The following SCHIP1 variants were observed in gnomAD, a reference collection of about 807,000 sequenced individuals.
The protein encoded by SCHIP1 is schwannomin interacting protein 1.
SCHIP1 carries 8 observed loss-of-function variants against 29.7 expected under a neutral mutation model. The observed-to-expected ratio is 0.27, with a 90% CI of 0.16 to 0.49. The LOEUF (loss-of-function observed/expected upper bound fraction) is 0.49, where lower values mean the gene tolerates loss of function less well. Among genes scored for constraint, SCHIP1 ranks in the 20% least tolerant of loss-of-function variants. The pLI is 0.99. For missense variants in SCHIP1, 193 were observed against 294.6 expected (o/e 0.66, Z 2.52); for synonymous variants, 76 against 94.9 (o/e 0.80, Z 1.16).
the SCHIP1 span, among the ~76,000 whole-genome samples, chr3:159,371,277 C>G: frequency 6.6e-6 from 1 of 152,140 alleles, no homozygotes; most frequent in South Asian, 2.1e-4. Context: ...AATTGGAATC[C>G]TAACCCTAGG....
the SCHIP1 span, among the ~76,000 whole-genome samples, chr3:159,325,009 T>C: frequency 6.6e-5 from 10 of 152,292 alleles, no homozygotes; most frequent in African/African-American, 2.4e-4. Context: ...TGAAGTTGTA[T>C]GTATTAGTGT....
chr3:159,685,201 C>T, the SCHIP1 span, among the ~76,000 whole-genome samples: 1 of 152,098 alleles, frequency 6.6e-6, no homozygotes, highest in South Asian at 2.1e-4. Context: ...GCATGACTTC[C>T]CCAAATAGAT....
chr3:159,626,176 CTATCTAGATAGA>C, the SCHIP1 span, among the ~76,000 whole-genome samples: 38 of 71,282 alleles, frequency 5.3e-4, no homozygotes, highest in South Asian at 8.4e-4. Flanking sequence ...ATATATCTAT[CTATCTAGATAGA>C]TAGATAGATA....
chr3:159,404,514 G>A, the SCHIP1 span, among the ~76,000 whole-genome samples: 1 of 152,184 alleles, frequency 6.6e-6, no homozygotes, highest in African/African-American at 2.4e-5. Flanking sequence ...TGTCACAGGT[G>A]TGGGGTGGTG....
the SCHIP1 span, among the ~76,000 whole-genome samples, chr3:159,776,512 G>A: frequency 6.6e-6 from 1 of 151,950 alleles, no homozygotes; most frequent in Non-Finnish European, 1.5e-5. Context: ...TTGAACACTC[G>A]AATTGTATAA....
chr3:159,304,283 T>C, the SCHIP1 span, among the ~76,000 whole-genome samples: 1 of 152,186 alleles, frequency 6.6e-6, no homozygotes, highest in Non-Finnish European at 1.5e-5. Context: ...AAAGACCAGT[T>C]AATACATTAT....
chr3:159,828,431 GTATATATACGTA>G, the SCHIP1 span, among the ~76,000 whole-genome samples: 554 of 52,838 alleles, frequency 0.01, 13 homozygotes, highest in East Asian at 0.12. Flanking sequence ...ATATATATAC[GTATATATACGTA>G]TATATATACG....
chr3:159,556,596 G>T, the SCHIP1 span, among the ~76,000 whole-genome samples: 9 of 151,838 alleles, frequency 5.9e-5, no homozygotes, highest in Admixed American at 1.3e-4. Context: ...CCATAAAAAA[G>T]GATGAGTTCA....
At chr3:159,727,907 CA>C in the SCHIP1 span, among the ~76,000 whole-genome samples, 4 of 150,782 alleles carry the variant, frequency 2.7e-5, no homozygotes, top group Non-Finnish European at 5.9e-5. Flanking sequence ...TTTCAGGCTC[CA>C]AAAAACTTTT....
At chr3:159,494,330 A>T in the SCHIP1 span, among the ~76,000 whole-genome samples, 2 of 152,218 alleles carry the variant, frequency 1.3e-5, no homozygotes, top group African/African-American at 4.8e-5. Context: ...TTTTTTGAAA[A>T]GATCAACAAA....
the SCHIP1 span, among the ~76,000 whole-genome samples, chr3:159,694,665 C>T: frequency 6.6e-6 from 1 of 151,934 alleles, no homozygotes; most frequent in Non-Finnish European, 1.5e-5. Flanking sequence ...TGGAATAATC[C>T]AAATCCCCTA....
chr3:159,790,428 C>T, the SCHIP1 span, among the ~76,000 whole-genome samples: 22 of 152,190 alleles, frequency 1.4e-4, 1 homozygote, highest in Admixed American at 3.3e-4. Flanking sequence ...CAGTGGCTCA[C>T]GCCTGTAATC....
At chr3:159,567,876 G>C in the SCHIP1 span, among the ~76,000 whole-genome samples, 6 of 152,144 alleles carry the variant, frequency 3.9e-5, no homozygotes, top group South Asian at 8.3e-4. Flanking sequence ...TATTGAAATT[G>C]CATTGAATTT....
At chr3:159,627,305 A>G in the SCHIP1 span, among the ~76,000 whole-genome samples, 5 of 152,186 alleles carry the variant, frequency 3.3e-5, no homozygotes, top group Non-Finnish European at 5.9e-5. Flanking sequence ...ATTTATTTAA[A>G]TATTTTATTT....
intron 2 of SCHIP1, among the ~76,000 whole-genome samples, chr3:159,874,702 ATTG>A (rs1158052754): frequency 6.6e-5 from 10 of 152,198 alleles, no homozygotes; most frequent in South Asian, 4.1e-4. Flanking sequence ...AACAGTAATA[ATTG>A]TTGTATGATT....
chr3:159,315,422 G>C, the SCHIP1 span, among the ~76,000 whole-genome samples: 33 of 145,792 alleles, frequency 2.3e-4, no homozygotes, highest in African/African-American at 8.1e-4. Context: ...TAGAGACAGG[G>C]TTTCACTGTG....
At chr3:159,577,296 T>A in the SCHIP1 span, among the ~76,000 whole-genome samples, 2 of 152,080 alleles carry the variant, frequency 1.3e-5, no homozygotes. Context: ...GAAGTGTGGG[T>A]CTCATGGAAT....
chr3:159,492,881 C>T, the SCHIP1 span, among the ~76,000 whole-genome samples: 2 of 152,168 alleles, frequency 1.3e-5, no homozygotes, highest in Non-Finnish European at 2.9e-5. Context: ...AAGGGAAGCC[C>T]ATCAGACTAA....
At chr3:159,603,180 T>C in the SCHIP1 span, among the ~76,000 whole-genome samples, 1 of 152,140 alleles carries the variant, frequency 6.6e-6, no homozygotes, top group Non-Finnish European at 1.5e-5. Flanking sequence ...AAAACACAAG[T>C]ACAGATTTAA....
Sources: gnomAD v4.1 joint callset for allele counts (sites outside exome capture counted in the v4.1 genomes callset) on GRCh38, gnomAD v4.1.1 for gene constraint, MANE v1.5 for transcripts, NCBI Gene and HGNC (gene_info 2026-07-23, HGNC 2026-07-21) for gene names.